The following ZNF385D variants were observed in gnomAD, a reference collection of about 807,000 sequenced individuals.
ZNF385D encodes zinc finger protein 385D.
In ZNF385D, 15 loss-of-function variants were observed where a neutral mutation model predicts 35.8. The ratio of observed to expected loss-of-function variants is 0.42; its 90% CI spans 0.28 to 0.64. The LOEUF (loss-of-function observed/expected upper bound fraction) is 0.64, where lower values mean the gene tolerates loss of function less well. Ranked by LOEUF, ZNF385D falls within the 30% of genes least tolerant of loss-of-function variation. The probability of loss-of-function intolerance (pLI) is 0.23; values close to 1 mark genes in which losing one functional copy is unlikely to be tolerated. For synonymous variants in ZNF385D, 212 were observed against 186.8 expected, an observed-to-expected ratio of 1.13 and a Z score of -1.10; for missense variants, 474 against 494.6, an observed-to-expected ratio of 0.96 and a Z score of 0.39.
At chr3:22,016,089 T>C (rs566562231) in intron 3 of ZNF385D, among the ~76,000 whole-genome samples, 2 of 152,268 alleles carry the variant, frequency 1.3e-5, no homozygotes, top group South Asian at 4.1e-4. Context: ...CACTTGCTAC[T>C]TGTTAGAGTG....
At chr3:21,566,933 A>AATGTT (rs1424223514) in intron 2 of ZNF385D, among the ~76,000 whole-genome samples, 3 of 152,088 alleles carry the variant, frequency 2.0e-5, no homozygotes, top group Non-Finnish European at 2.9e-5. Flanking sequence ...ATTTCACATA[A>AATGTT]ATGTTATCAT....
intron 3 of ZNF385D, among the ~76,000 whole-genome samples, chr3:21,926,968 A>T (rs1700759646): frequency 6.6e-6 from 1 of 152,148 alleles, no homozygotes; most frequent in South Asian, 2.1e-4. Flanking sequence ...TTGAAATTTG[A>T]TCTCCAATAT....
At chr3:22,185,673 G>T (rs1490078686) in intron 2 of ZNF385D, among the ~76,000 whole-genome samples, 3 of 152,086 alleles carry the variant, frequency 2.0e-5, no homozygotes, top group Non-Finnish European at 2.9e-5. Context: ...TCACCATCTT[G>T]GCCAGGCTGG....
chr3:21,616,006 C>A (rs917980774), intron 2 of ZNF385D, among the ~76,000 whole-genome samples: 3 of 151,882 alleles, frequency 2.0e-5, no homozygotes, highest in African/African-American at 4.8e-5. Context: ...AGAATTAATT[C>A]TTGGAAAACA....
intron 2 of ZNF385D, among the ~76,000 whole-genome samples, chr3:22,284,174 G>A (rs1352239330): frequency 1.5e-5 from 2 of 134,558 alleles, no homozygotes; most frequent in Non-Finnish European, 3.4e-5. Flanking sequence ...ATAAACACAG[G>A]ATTTTTGTTT....
chr3:21,884,035 T>C (rs1313778390), intron 3 of ZNF385D, among the ~76,000 whole-genome samples: 1 of 151,980 alleles, frequency 6.6e-6, no homozygotes, highest in Non-Finnish European at 1.5e-5. Context: ...AGAGCTGACA[T>C]GTAGCATAAC....
intron 3 of ZNF385D, among the ~76,000 whole-genome samples, chr3:21,826,136 G>T (rs2630811): frequency 0.78 from 119,025 of 152,028 alleles, 46,756 homozygotes; most frequent in East Asian, 0.91. Flanking sequence ...CTCTTAAGTT[G>T]CTTTGACCAG....
At chr3:21,540,873 C>A (rs1575132953) in intron 3 of ZNF385D, among the ~76,000 whole-genome samples, 2 of 152,144 alleles carry the variant, frequency 1.3e-5, no homozygotes, top group African/African-American at 2.4e-5. Context: ...TCAACTCCCT[C>A]CTCACGAGGT....
intron 1 of ZNF385D, among the ~76,000 whole-genome samples, chr3:21,711,482 ACAT>A (rs1206415196): frequency 3.9e-5 from 6 of 152,194 alleles, no homozygotes; most frequent in Non-Finnish European, 5.9e-5. Flanking sequence ...TCGCTTCAAC[ACAT>A]TTTTTAAAAA....
chr3:21,829,599 A>T (rs1003934547), intron 3 of ZNF385D, among the ~76,000 whole-genome samples: 6 of 150,826 alleles, frequency 4.0e-5, no homozygotes, highest in Non-Finnish European at 7.4e-5. Flanking sequence ...GCCTTCGAGA[A>T]GATGACTTTT....
chr3:22,168,619 T>TA (rs1553621631), intron 3 of ZNF385D: 1 of 188,120 alleles, frequency 5.3e-6, no homozygotes, highest in Non-Finnish European at 9.9e-6. Context: ...ACAACCCTAA[T>TA]ACAATTAAGT....
At chr3:21,752,998 T>C (rs879593488), upstream of ZNF385D, among the ~76,000 whole-genome samples, 13 of 152,134 alleles carry the variant, frequency 8.5e-5, no homozygotes, top group Admixed American at 2.6e-4. Context: ...TCCATTTGAG[T>C]TCCTGTAGTT....
chr3:21,681,312 A>AAAAC (rs2066897279), intron 1 of ZNF385D, among the ~76,000 whole-genome samples: 1 of 149,830 alleles, frequency 6.7e-6, no homozygotes, highest in Non-Finnish European at 1.5e-5. Flanking sequence ...AAAAAAAAAA[A>AAAAC]AAAAAAAAAA....
chr3:21,667,745 T>C (rs1011202546), intron 1 of ZNF385D, among the ~76,000 whole-genome samples: 3 of 152,160 alleles, frequency 2.0e-5, no homozygotes, highest in African/African-American at 7.2e-5. Flanking sequence ...AAGGAATAGC[T>C]CAAGCTGATT....
At position 21,496,485 on chromosome 3, in the gene ZNF385D, C is replaced by T. The variant is rs1166421830; in HGVS notation, c.439+14376G>A. ...TATATCATATATATACATATATACACATATATTTGATATATATATCATATA... is the reference window on the plus strand; with the variant it reads ...TATATCATATATATACATATATACATATATATTTGATATATATATCATATA... On this transcript the variant is annotated intron_variant, in intron 4 of 7. Transcript: ENST00000281523. Among the ~76,000 whole-genome samples, 4 of 139,118 alleles carry T rather than the reference C, an allele frequency of 2.9e-5. No individual in the cohort carries two copies. In the East Asian group the frequency reaches 8.2e-4, roughly 29 times the overall value. The allele number at this position is 139,118 out of a possible 152,430, so 91.3% of individuals were successfully genotyped here. A position where few individuals can be genotyped will look rare whatever the true frequency, so the allele number is the denominator to read the frequency against.
chr3:22,192,676 A>G (rs749777744), intron 2 of ZNF385D, among the ~76,000 whole-genome samples: 1 of 152,180 alleles, frequency 6.6e-6, no homozygotes, highest in Non-Finnish European at 1.5e-5. Context: ...AACCTCATGA[A>G]AAAACCTCAG....
intron 3 of ZNF385D, among the ~76,000 whole-genome samples, chr3:22,020,930 A>T (rs1697188129): frequency 6.6e-6 from 1 of 152,002 alleles, no homozygotes; most frequent in South Asian, 2.1e-4. Context: ...TACACAAGGG[A>T]ATACTATTAA....
rs1158613261 is a variant in ZNF385D, at chr3:22,290,446, AGGGTTGGAGAAGAAGCT to A, written c.106+81987_106+82003del. On this transcript the variant is annotated intron_variant, in intron 2 of 5. Coordinates refer to the ZNF385D transcript ENST00000494108. ...GAGAAATGTAGCCACACCACAACAC[AGGGTTGGAGAAGAAGCT>A]GGGAAGGGGACATAGCAAGGATCTC... 2.0e-5 allele frequency among the ~76,000 whole-genome samples: 3 copies of A among 152,236 alleles called. No homozygotes were observed. The East Asian group carries it at 5.8e-4, about 30-fold the overall frequency.
chr3:22,179,534 AGG>A (rs1213554977), intron 2 of ZNF385D, among the ~76,000 whole-genome samples: 2 of 152,260 alleles, frequency 1.3e-5, no homozygotes, highest in Non-Finnish European at 2.9e-5. Flanking sequence ...ATCTGCAAAC[AGG>A]GACAATCTGA....
Sources: allele counts gnomAD v4.1 joint callset (sites outside exome capture counted in the v4.1 genomes callset), GRCh38; gene constraint gnomAD v4.1.1; transcripts MANE v1.5; gene names NCBI Gene and HGNC (gene_info 2026-07-23, HGNC 2026-07-21).